The following TYR variants were observed in gnomAD, a reference collection of about 807,000 sequenced individuals.
The protein encoded by TYR is LB24-AB.
A neutral mutation model predicts 51.5 loss-of-function variants in TYR; 58 were observed. The ratio of observed to expected loss-of-function variants is 1.13; its 90% CI spans 0.91 to 1.40. The LOEUF (loss-of-function observed/expected upper bound fraction) is 1.40, where lower values mean the gene tolerates loss of function less well. TYR is among the 40% of genes most tolerant of loss of function. The pLI, the probability that TYR is intolerant of heterozygous loss-of-function variation, is 0.00. For synonymous variants in TYR, 263 were observed against 235.2 expected, an observed-to-expected ratio of 1.12 and a Z score of -1.08; for missense variants, 732 against 647.4, an observed-to-expected ratio of 1.13 and a Z score of -1.42.
chr11:89,224,382 T>A (rs551880442), intron 2 of TYR, among the ~76,000 whole-genome samples: 1 of 152,230 alleles, frequency 6.6e-6, no homozygotes, highest in Non-Finnish European at 1.5e-5. Flanking sequence ...GCCCAAAAAA[T>A]ATAAATAACT....
intron 3 of TYR, among the ~76,000 whole-genome samples, chr11:89,274,211 C>A (rs1010295607): frequency 6.6e-6 from 1 of 151,820 alleles, no homozygotes; most frequent in African/African-American, 2.4e-5. Context: ...TTGTATGATT[C>A]TCTTTTTATA....
At position 89,262,847 on chromosome 11, in the gene TYR, C is replaced by CAAAAAAA. The variant is rs771958187; in HGVS notation, c.1185-21907_1185-21901dup. On this transcript the variant is annotated intron_variant, in intron 3 of 4. Coordinates refer to ENST00000263321, the MANE Select transcript of TYR (RefSeq NM_000372.5). ...TAAGTAAAGATACAAGCTACTCATCCAAAAAAAAAAAAAAAAAAAAAAAAA... is the reference window on the plus strand; with the variant it reads ...TAAGTAAAGATACAAGCTACTCATCCAAAAAAAAAAAAAAAAAAAAAAAAAAAAAAAA... Among the ~76,000 whole-genome samples the CAAAAAAA allele has an allele frequency of 5.0e-3, 97 of 19,254 alleles. 1 individual carries two copies. Among genetic ancestry groups the CAAAAAAA allele is most frequent in the Admixed American group, 8.2e-3 (11 of 1,334 alleles). The allele number at this position is 19,254 out of a possible 152,430, so 12.6% of individuals were successfully genotyped here.
chr11:89,231,932 C>T (rs1220893608), intron 3 of TYR, among the ~76,000 whole-genome samples: 1 of 135,336 alleles, frequency 7.4e-6, no homozygotes, highest in African/African-American at 3.0e-5. Flanking sequence ...TTGCAGTGAG[C>T]TGAGATTGTG....
At chr11:89,285,222 G>A (rs1423261848) in intron 4 of TYR, among the ~76,000 whole-genome samples, 2 of 151,668 alleles carry the variant, frequency 1.3e-5, no homozygotes, top group East Asian at 1.9e-4. Context: ...AAAAAAAAAG[G>A]TTTTGAGACA....
At chr11:89,253,524 G>C (rs573988251) in intron 3 of TYR, among the ~76,000 whole-genome samples, 1 of 151,684 alleles carries the variant, frequency 6.6e-6, no homozygotes, top group African/African-American at 2.4e-5. Flanking sequence ...TCCTTCTAGA[G>C]GTCTTTCACC....
rs1344338422 is a variant in TYR, at chr11:89,284,769, G to A, written c.1185-4G>A. 1.2e-6 allele frequency: 2 copies of A among 1,611,052 alleles called. No homozygotes were observed. Among genetic ancestry groups the A allele is most frequent in the African/African-American group, 2.7e-5 (2 of 74,660 alleles). Reference sequence around the variant, plus strand: ...CTTAGTCTGAATAACCTTTTCCTCTGCAGTATTTTTGAGCAGTGGCTCCGA... The same window carrying A: ...CTTAGTCTGAATAACCTTTTCCTCTACAGTATTTTTGAGCAGTGGCTCCGA... On this transcript the variant is annotated splice_region_variant and splice_polypyrimidine_tract_variant and intron_variant, in intron 3 of 4. Coordinates refer to ENST00000263321, the MANE Select transcript of TYR (RefSeq NM_000372.5).
At chr11:89,228,598 T>C (rs1377054478) in intron 3 of TYR, among the ~76,000 whole-genome samples, 1 of 152,218 alleles carries the variant, frequency 6.6e-6, no homozygotes, top group Non-Finnish European at 1.5e-5. Flanking sequence ...TTATTTCTTC[T>C]CTTTTTGAAC....
chr11:89,217,718 C>T (rs1037521060), intron 2 of TYR, among the ~76,000 whole-genome samples: 1 of 152,086 alleles, frequency 6.6e-6, no homozygotes, highest in Non-Finnish European at 1.5e-5. Flanking sequence ...TAGTTCTGGC[C>T]TGGGCTGGCC....
chr11:89,211,189 T>C (rs1366051697), intron 2 of TYR, among the ~76,000 whole-genome samples: 2 of 152,110 alleles, frequency 1.3e-5, no homozygotes, highest in African/African-American at 4.8e-5. Flanking sequence ...TCAAGACCCA[T>C]CGATGTGCTA....
chr11:89,208,416 C>G, intron 2 of TYR, among the ~76,000 whole-genome samples: 1 of 151,876 alleles, frequency 6.6e-6, no homozygotes, highest in South Asian at 2.1e-4. Flanking sequence ...ATTTATTGAC[C>G]TTTCTTGATG....
chr11:89,263,829 A>C (rs780391636), intron 3 of TYR, among the ~76,000 whole-genome samples: 26 of 152,208 alleles, frequency 1.7e-4, no homozygotes, highest in Middle Eastern at 3.4e-3. Flanking sequence ...TATTGAAAGA[A>C]ATTAATAAAG....
chr11:89,178,465 A>G lies in TYR; in HGVS notation c.512A>G (p.Asn171Ser), dbSNP rs1216197536. Residue 171 changes from asparagine (N) to serine (S), a missense_variant, in exon 1 of 5, where the codon AAT (asparagine) becomes AGT (serine). Physicochemically the swap from Asn to Ser is conservative, Grantham distance 46. Coordinates refer to ENST00000263321, the MANE Select transcript of TYR (RefSeq NM_000372.5). ...TCAACACCCATGTTTAACGACATCAATATTTATGACCTCTTTGTCTGGATG... is the reference window on the plus strand; with the variant it reads ...TCAACACCCATGTTTAACGACATCAGTATTTATGACCTCTTTGTCTGGATG... ...NGSTPMFNDI[N>S]IYDLFVWMHY... 1.9e-6 allele frequency: 3 copies of G among 1,614,136 alleles called. No individual in the cohort carries two copies. Among genetic ancestry groups the G allele is most frequent in the Non-Finnish European group, 2.5e-6 (3 of 1,180,008 alleles).
intron 4 of TYR, among the ~76,000 whole-genome samples, chr11:89,289,768 G>A (rs1463344968): frequency 6.6e-6 from 1 of 151,998 alleles, no homozygotes; most frequent in African/African-American, 2.4e-5. Flanking sequence ...ATGGACGTTT[G>A]TGCCAAATGT....
chr11:89,189,383 A>G (rs1363943641), intron 1 of TYR, among the ~76,000 whole-genome samples: 1 of 152,086 alleles, frequency 6.6e-6, no homozygotes, highest in South Asian at 2.1e-4. Context: ...CCTTGGTTCT[A>G]GCTAAAGGAT....
chr11:89,187,310 A>G (rs1943387701), intron 1 of TYR, among the ~76,000 whole-genome samples: 1 of 152,166 alleles, frequency 6.6e-6, no homozygotes, highest in Non-Finnish European at 1.5e-5. Context: ...AGCTAGTAGG[A>G]CACACCAAGT....
chr11:89,291,830 G>A (rs1248955504), intron 4 of TYR, among the ~76,000 whole-genome samples: 1 of 151,832 alleles, frequency 6.6e-6, no homozygotes, highest in East Asian at 1.9e-4. Flanking sequence ...TATCTTTGGA[G>A]TTCCTCATAT....
chr11:89,193,294 A>G (rs950942482), intron 2 of TYR, among the ~76,000 whole-genome samples: 54 of 152,154 alleles, frequency 3.5e-4, no homozygotes, highest in African/African-American at 1.2e-3. Flanking sequence ...TGCAGAAATA[A>G]GGCAGGGGAA....
intron 2 of TYR, among the ~76,000 whole-genome samples, chr11:89,220,596 G>A (rs1943896593): frequency 6.6e-6 from 1 of 151,962 alleles, no homozygotes; most frequent in African/African-American, 2.4e-5. Flanking sequence ...TCTTTACAGA[G>A]TTACTACGAA....
intron 1 of TYR, among the ~76,000 whole-genome samples, chr11:89,182,895 C>G (rs12416719): frequency 0.2 from 30,677 of 151,896 alleles, 4,334 homozygotes; most frequent in African/African-American, 0.4. Flanking sequence ...CTAGCTGATA[C>G]ACATGAGTGA....
Sources: gnomAD v4.1 joint callset for allele counts (sites outside exome capture counted in the v4.1 genomes callset) on GRCh38, gnomAD v4.1.1 for gene constraint, MANE v1.5 for transcripts, NCBI Gene and HGNC (gene_info 2026-07-23, HGNC 2026-07-21) for gene names.